Variants in CDH3 observed in about 807,000 individuals in gnomAD.
CDH3 encodes cadherin 3.
Under a neutral mutation model 82.0 loss-of-function variants are expected in CDH3, and 54 were observed. The ratio of observed to expected loss-of-function variants is 0.66; its 90% CI spans 0.53 to 0.83. CDH3 has a LOEUF of 0.83. Among genes scored for constraint, CDH3 ranks in the 40% least tolerant of loss-of-function variants. The pLI is 0.00. For missense variants in CDH3, 1,054 were observed against 1,084.6 expected, an observed-to-expected ratio of 0.97 and a Z score of 0.40; for synonymous variants, 446 against 437.9, an observed-to-expected ratio of 1.02 and a Z score of -0.23.
At chr16:68,647,382 A>G (rs780634600) in intron 2 of CDH3, among the ~76,000 whole-genome samples, 87 of 151,956 alleles carry the variant, frequency 5.7e-4, no homozygotes, top group Non-Finnish European at 7.1e-4. Context: ...TCACTTCACT[A>G]GGCTTGAGGT....
At chr16:68,648,528 T>G (rs1960146564) in intron 2 of CDH3, among the ~76,000 whole-genome samples, 1 of 151,918 alleles carries the variant, frequency 6.6e-6, no homozygotes, top group South Asian at 2.1e-4. Flanking sequence ...CACGGTTCAC[T>G]GCAACCTCTA....
downstream of CDH3, chr16:68,700,386 GC>G (rs1391124734): frequency 6.6e-6 from 1 of 152,274 alleles, no homozygotes; most frequent in Non-Finnish European, 1.5e-5. Context: ...TCTAGGCAGG[GC>G]CCTGCTGTGG....
chr16:68,712,688 C>CTTT (rs199836116), intron 1 of CDH3, among the ~76,000 whole-genome samples: 1 of 144,132 alleles, frequency 6.9e-6, no homozygotes, highest in African/African-American at 2.5e-5. Flanking sequence ...TCCCAGGTTC[C>CTTT]TTTTTTTTTT....
intron 2 of CDH3, chr16:68,651,236 C>T: frequency 3.8e-6 from 2 of 533,294 alleles, no homozygotes; most frequent in South Asian, 2.9e-5. Flanking sequence ...GAGGAGTTGT[C>T]ATACTTGTTG....
rs1421755520 is a variant in CDH3, at chr16:68,678,614, G to A, written c.504G>A (p.Leu168=). 3 of 1,614,258 alleles carry A rather than the reference G, an allele frequency of 1.9e-6. No individual in the cohort carries two copies. The highest frequency in any genetic ancestry group is 1.7e-6 in the Non-Finnish European group (2 of 1,180,056). Residue 168 remains leucine, a synonymous_variant, in exon 5 of 16, where the codon TTG becomes TTA. Coordinates refer to ENST00000264012, the MANE Select transcript of CDH3 (RefSeq NM_001793.6). ...TAGAGAAGGAGACAGGCTGGTTGTTGTTGAATAAGCCACTGGACCGGGAGG... is the reference window on the plus strand; with the variant it reads ...TAGAGAAGGAGACAGGCTGGTTGTTATTGAATAAGCCACTGGACCGGGAGG... The part of the protein sequence containing the change: ...FAVEKETGWL[L]LNKPLDREEI...
At chr16:68,669,967 G>C (rs1160447698) in intron 2 of CDH3, among the ~76,000 whole-genome samples, 5 of 151,796 alleles carry the variant, frequency 3.3e-5, no homozygotes, top group African/African-American at 1.2e-4. Context: ...AAAAATAAAA[G>C]TGACCTTTAG....
At chr16:68,649,729 G>A (rs1960183566) in intron 2 of CDH3, among the ~76,000 whole-genome samples, 1 of 152,076 alleles carries the variant, frequency 6.6e-6, no homozygotes, top group African/African-American at 2.4e-5. Flanking sequence ...GGAGGGCTGG[G>A]GGCTCCTTAA....
intron 1 of CDH3, among the ~76,000 whole-genome samples, chr16:68,720,276 AAG>A (rs1962145774): frequency 6.6e-6 from 1 of 152,210 alleles, no homozygotes; most frequent in Admixed American, 6.5e-5. Context: ...AAAAAAAAAA[AAG>A]AGAAAGAAAG....
intron 2 of CDH3, among the ~76,000 whole-genome samples, chr16:68,675,275 G>T (rs1173508517): frequency 6.6e-6 from 1 of 152,164 alleles, no homozygotes; most frequent in Non-Finnish European, 1.5e-5. Context: ...CATACCTATG[G>T]ACAGGCGTGG....
At chr16:68,660,915 C>T (rs3114412) in intron 2 of CDH3, among the ~76,000 whole-genome samples, 130,056 of 150,636 alleles carry the variant, frequency 0.86, 56,401 homozygotes, top group African/African-American at 0.93. Flanking sequence ...GCCGAGATCC[C>T]GCCACTGCAC....
intron 8 of CDH3, among the ~76,000 whole-genome samples, chr16:68,681,739 G>C (rs576339601): frequency 1.0e-3 from 156 of 152,268 alleles, no homozygotes; most frequent in African/African-American, 3.4e-3. Flanking sequence ...TTGGGAAGCT[G>C]AGACATGAGG....
exon 3 of CDH3, among the ~76,000 whole-genome samples, chr16:68,727,395 T>C (rs1257569615): frequency 6.6e-6 from 1 of 152,206 alleles, no homozygotes; most frequent in Non-Finnish European, 1.5e-5. Flanking sequence ...CTCATCTCTC[T>C]CTGTATATAT....
chr16:68,684,875 G>T (rs760096730), intron 10 of CDH3, 51 bp downstream of exon 10: 1 of 1,611,544 alleles, frequency 6.2e-7, no homozygotes, highest in South Asian at 1.1e-5. Flanking sequence ...CAGTTGGTGG[G>T]TGGGTGATCA....
chr16:68,658,727 C>T (rs575945206), intron 2 of CDH3, among the ~76,000 whole-genome samples: 1 of 152,258 alleles, frequency 6.6e-6, no homozygotes, highest in South Asian at 2.1e-4. Flanking sequence ...TACTTCGAAA[C>T]CTGCTCTTCT....
In CDH3 at chr16:68,695,318, T is replaced by G. The variant is rs754719904; in HGVS notation, c.2066T>G (p.Leu689Arg). The G allele has an allele frequency of 1.2e-6, 2 of 1,614,020 alleles. No homozygotes were observed. Among genetic ancestry groups the G allele is most frequent in the Non-Finnish European group, 1.7e-6 (2 of 1,180,012 alleles). The change falls in exon 14 of 16, where the codon CTC (leucine) becomes CGC (arginine). Residue 689 changes from leucine to arginine, a missense_variant. Transcript: ENST00000264012. ...CGGAAGATCAAGGAGCCCCTCCTAC[T>G]CCCAGAAGATGACACCCGTGACAAC... ...KKRKIKEPLL[L>R]PEDDTRDNVF...
At chr16:68,662,677 T>C (rs977558545) in intron 2 of CDH3, among the ~76,000 whole-genome samples, 2 of 150,948 alleles carry the variant, frequency 1.3e-5, no homozygotes, top group African/African-American at 4.9e-5. Flanking sequence ...CCCGAGTAGC[T>C]GGAACTACAG....
At chr16:68,701,999 G>T (rs1961903143), downstream of CDH3, among the ~76,000 whole-genome samples, 2 of 151,824 alleles carry the variant, frequency 1.3e-5, no homozygotes, top group African/African-American at 4.8e-5. Flanking sequence ...ACTCCAGCCT[G>T]GGCAACAAGA....
At chr16:68,662,536 A>C (rs1054012416) in intron 2 of CDH3, among the ~76,000 whole-genome samples, 1 of 144,574 alleles carries the variant, frequency 6.9e-6, no homozygotes, top group Admixed American at 7.1e-5. Context: ...TGGGAGGCTG[A>C]AGCCAGCCTT....
chr16:68,718,852 C>T (rs1488403319), intron 1 of CDH3, among the ~76,000 whole-genome samples: 1 of 152,110 alleles, frequency 6.6e-6, no homozygotes, highest in African/African-American at 2.4e-5. Context: ...TTTATAATAG[C>T]CCCAAAGAGG....
Sources: gnomAD v4.1 joint callset for allele counts (sites outside exome capture counted in the v4.1 genomes callset) on GRCh38, gnomAD v4.1.1 for gene constraint, MANE v1.5 for transcripts, NCBI Gene and HGNC (gene_info 2026-07-23, HGNC 2026-07-21) for gene names.